The following TCF12 variants were observed in gnomAD, a reference collection of about 807,000 sequenced individuals.
The protein encoded by TCF12 is DNA-binding protein HTF4.
In TCF12, 45 loss-of-function variants were observed where a neutral mutation model predicts 86.0. The observed-to-expected ratio is 0.52, with a 90% CI of 0.41 to 0.67. The LOEUF is 0.67. Among genes scored for constraint, TCF12 ranks in the 30% least tolerant of loss-of-function variants. The pLI, the probability that TCF12 is intolerant of heterozygous loss-of-function variation, is 0.00. For missense variants in TCF12, 881 were observed against 859.9 expected (o/e 1.02, Z -0.31); for synonymous variants, 330 against 299.6 (o/e 1.10, Z -1.05).
At chr15:57,149,799 A>G (rs1446518785) in intron 5 of TCF12, among the ~76,000 whole-genome samples, 1 of 152,204 alleles carries the variant, frequency 6.6e-6, no homozygotes, top group Non-Finnish European at 1.5e-5. Flanking sequence ...AAGTCTGATT[A>G]TTTACAGAAG....
At chr15:56,944,686 T>C (rs1406897109) in intron 3 of TCF12, among the ~76,000 whole-genome samples, 2 of 152,186 alleles carry the variant, frequency 1.3e-5, no homozygotes, top group East Asian at 1.9e-4. Context: ...TTGATTGTTC[T>C]GTGAACCTTC....
intron 3 of TCF12, among the ~76,000 whole-genome samples, chr15:57,001,091 A>C (rs1342427314): frequency 6.9e-6 from 1 of 144,210 alleles, no homozygotes; most frequent in Non-Finnish European, 1.5e-5. Flanking sequence ...ATCTCGGCTC[A>C]CTGCAACCTG....
At chr15:56,986,266 G>C (rs549167703) in intron 3 of TCF12, among the ~76,000 whole-genome samples, 3 of 152,194 alleles carry the variant, frequency 2.0e-5, no homozygotes, top group African/African-American at 7.2e-5. Flanking sequence ...TTACGTTTCT[G>C]GTTTTTGGTG....
intron 5 of TCF12, among the ~76,000 whole-genome samples, chr15:57,141,169 C>G (rs1299787392): frequency 6.6e-6 from 1 of 152,134 alleles, no homozygotes; most frequent in African/African-American, 2.4e-5. Context: ...GTATCAAATC[C>G]TGTGATTTCA....
chr15:57,263,140 T>A lies in TCF12; in HGVS notation c.1611T>A (p.Val537=), dbSNP rs759996214. 6.8e-6 allele frequency: 11 copies of A among 1,611,706 alleles called. No homozygotes were observed. Among genetic ancestry groups the A allele is most frequent in the Non-Finnish European group, 8.5e-6 (10 of 1,179,458 alleles). The change falls in exon 18 of 21, where the codon GTT becomes GTA. Residue 537 remains valine (V), a synonymous_variant. Transcript: ENST00000333725. The part of the protein sequence containing the change: ...RGGLQSQSGT[V]VTTEIKTENK... Reference sequence around the variant, plus strand: ...GCTTGCAAAGTCAGTCTGGAACTGTTGTTACAACAGAAATCAAGACTGAAA... The same window carrying A: ...GCTTGCAAAGTCAGTCTGGAACTGTAGTTACAACAGAAATCAAGACTGAAA...
chr15:57,170,745 T>TAATATA (rs1342153770), intron 6 of TCF12, among the ~76,000 whole-genome samples: 6 of 31,446 alleles, frequency 1.9e-4, no homozygotes, highest in African/African-American at 8.8e-4. Context: ...ATAATATATA[T>TAATATA]TATATATTAT....
At chr15:57,130,723 T>A (rs1596700292) in intron 5 of TCF12, among the ~76,000 whole-genome samples, 1 of 152,346 alleles carries the variant, frequency 6.6e-6, no homozygotes, top group East Asian at 1.9e-4. Context: ...AGTCTATTTT[T>A]AATTATTAAT....
At chr15:57,153,924 G>C (rs902642538) in intron 5 of TCF12, among the ~76,000 whole-genome samples, 1 of 151,508 alleles carries the variant, frequency 6.6e-6, no homozygotes, top group Non-Finnish European at 1.5e-5. Flanking sequence ...CAGCCCAAGA[G>C]TTCAAGGTTG....
chr15:57,163,808 A>C (rs2151525349), intron 5 of TCF12, among the ~76,000 whole-genome samples: 1 of 152,310 alleles, frequency 6.6e-6, no homozygotes. Flanking sequence ...CCTGCATGTA[A>C]TCAAAATGGA....
intron 8 of TCF12, among the ~76,000 whole-genome samples, chr15:57,200,017 G>T (rs2057457996): frequency 1.3e-5 from 2 of 150,320 alleles, no homozygotes; most frequent in East Asian, 2.0e-4. Flanking sequence ...AAGTAGCTGG[G>T]ACTACAGGGA....
chr15:57,072,074 G>T (rs1026413091), intron 4 of TCF12, among the ~76,000 whole-genome samples: 1 of 152,196 alleles, frequency 6.6e-6, no homozygotes, highest in Non-Finnish European at 1.5e-5. Flanking sequence ...TATGAAGAAT[G>T]GATCCAAGGT....
chr15:57,176,161 G>T (rs950829558), intron 6 of TCF12, among the ~76,000 whole-genome samples: 33 of 152,210 alleles, frequency 2.2e-4, no homozygotes, highest in African/African-American at 7.2e-4. Context: ...TCGCATCATT[G>T]CACTCCAGCC....
At chr15:56,942,063 T>C (rs2140361854) in intron 3 of TCF12, among the ~76,000 whole-genome samples, 1 of 152,298 alleles carries the variant, frequency 6.6e-6, no homozygotes, top group South Asian at 2.1e-4. Flanking sequence ...ACAGTAACTT[T>C]TATTGATTGT....
intron 3 of TCF12, among the ~76,000 whole-genome samples, chr15:56,995,343 G>T (rs748077619): frequency 7.0e-6 from 1 of 142,716 alleles, no homozygotes; most frequent in Non-Finnish European, 1.5e-5. Flanking sequence ...TGTGAGAAAT[G>T]ACATTGGTAG....
At chr15:57,056,286 G>T (rs1290190511) in intron 3 of TCF12, among the ~76,000 whole-genome samples, 1 of 151,392 alleles carries the variant, frequency 6.6e-6, no homozygotes, top group Non-Finnish European at 1.5e-5. Context: ...GATTACAGGC[G>T]CCCACCACCA....
In TCF12 at chr15:57,124,315, A is replaced by G. The variant is rs2051470497; in HGVS notation, c.325+32424A>G. On this transcript the variant is annotated intron_variant, in intron 5 of 20. Transcript: ENST00000333725. ...GTTACTTGATTTCAGCAAAACATTGATGTGAGGAAAATATTAAATAGTACA... is the reference window on the plus strand; with the variant it reads ...GTTACTTGATTTCAGCAAAACATTGGTGTGAGGAAAATATTAAATAGTACA... 2.0e-5 allele frequency among the ~76,000 whole-genome samples: 3 copies of G among 152,060 alleles called. No individual in the cohort carries two copies. In the South Asian group the frequency reaches 6.2e-4, roughly 32 times the overall value.
chr15:57,247,267 A>G (rs1295517144), intron 13 of TCF12: 7 of 648,660 alleles, frequency 1.1e-5, no homozygotes, highest in Middle Eastern at 8.8e-4. Flanking sequence ...ATCCGCCATC[A>G]CCTCCTCCAT....
intron 3 of TCF12, among the ~76,000 whole-genome samples, chr15:57,002,041 C>A (rs537304231): frequency 6.6e-6 from 1 of 152,286 alleles, no homozygotes; most frequent in East Asian, 1.9e-4. Flanking sequence ...AGTTGAGAAG[C>A]GTATCTATGT....
chr15:57,016,536 AT>A (rs1221865182), intron 3 of TCF12, among the ~76,000 whole-genome samples: 1 of 152,208 alleles, frequency 6.6e-6, no homozygotes, highest in African/African-American at 2.4e-5. Context: ...CCTTAATTAC[AT>A]AATTCATAAG....
Sources: allele counts gnomAD v4.1 joint callset (sites outside exome capture counted in the v4.1 genomes callset), GRCh38; gene constraint gnomAD v4.1.1; transcripts MANE v1.5; gene names NCBI Gene and HGNC (gene_info 2026-07-23, HGNC 2026-07-21).